AVEN: variants seen among roughly 807,000 people sequenced by gnomAD.
AVEN encodes cell death regulator Aven.
A neutral mutation model predicts 38.1 loss-of-function variants in AVEN; 41 were observed. The observed-to-expected ratio is 1.08, with a 90% CI of 0.84 to 1.40. The LOEUF (loss-of-function observed/expected upper bound fraction) is 1.40. Ranked by LOEUF, AVEN falls within the 40% of genes most tolerant of loss-of-function variation. AVEN has a pLI of 0.00. For missense variants in AVEN, 605 were observed against 438.8 expected (o/e 1.38, Z -3.38); for synonymous variants, 206 against 171.8 (o/e 1.20, Z -1.56).
Position 33,939,264 on chromosome 15 carries a change from C to G in AVEN, c.446-63269G>C, listed in dbSNP as rs2153053260. 3.3e-5 allele frequency among the ~76,000 whole-genome samples: 5 copies of G among 152,310 alleles called. No individual in the cohort carries two copies. The South Asian group carries it at 1.0e-3, about 32-fold the overall frequency. On this transcript the variant is annotated intron_variant, in intron 2 of 5. Coordinates refer to ENST00000306730, the MANE Select transcript of AVEN (RefSeq NM_020371.3). ...TCTATACAAATTGTCACTGAATTTA[C>G]AATGTGTTCAATAGTATTTAAACCA...
chr15:33,866,529 C>T lies in AVEN; in HGVS notation c.*84G>A. ...CACTAGCTTGAGACATGCTTGTAAA[C>T]TGGCTGGTCCTGAAGGACAGCCTTA... On this transcript the variant is annotated 3_prime_UTR_variant, in exon 6 of 6. Transcript: ENST00000306730. The T allele has an allele frequency of 1.0e-6, 1 of 953,168 alleles. No individual in the cohort carries two copies. The highest frequency in any genetic ancestry group is 1.7e-6 in the Non-Finnish European group (1 of 605,914). The allele number at this position is 953,168 out of a possible 1,614,324, so 59.0% of individuals were successfully genotyped here.
At chr15:33,950,562 A>C (rs1436319398) in intron 2 of AVEN, among the ~76,000 whole-genome samples, 4 of 152,212 alleles carry the variant, frequency 2.6e-5, no homozygotes, top group African/African-American at 9.7e-5. Flanking sequence ...GTGGAAGGAA[A>C]CTAAAGCCAA....
intron 4 of AVEN, 136 bp downstream of exon 4, chr15:33,870,799 A>G: frequency 1.8e-6 from 1 of 544,546 alleles, no homozygotes; most frequent in Non-Finnish European, 3.0e-6. Context: ...AAACTTTACA[A>G]AATGCTACCT....
intron 4 of AVEN, chr15:34,064,537 A>T (rs1900460714): frequency 3.4e-6 from 2 of 591,696 alleles, no homozygotes; most frequent in South Asian, 4.5e-5. Context: ...AGGCCATTTG[A>T]TGCCAGGGGA....
intron 2 of AVEN, among the ~76,000 whole-genome samples, chr15:33,926,515 T>G (rs1454187799): frequency 6.6e-6 from 1 of 152,088 alleles, no homozygotes; most frequent in African/African-American, 2.4e-5. Flanking sequence ...TTCTCCTCTT[T>G]AAAATGAAAG....
chr15:34,071,214 C>A (rs1458509130), intron 1 of AVEN, among the ~76,000 whole-genome samples: 3 of 152,268 alleles, frequency 2.0e-5, no homozygotes, highest in East Asian at 3.9e-4. Flanking sequence ...GGCACCCTTA[C>A]CTTCAACAAA....
At chr15:34,041,162 C>G (rs1372859193), upstream of AVEN, among the ~76,000 whole-genome samples, 1 of 151,994 alleles carries the variant, frequency 6.6e-6, no homozygotes, top group Non-Finnish European at 1.5e-5. Flanking sequence ...TAATAGCATC[C>G]CTGGCCTCTA....
At position 33,867,810 on chromosome 15, in the gene AVEN, C is replaced by G; in HGVS notation, c.658G>C (p.Asp220His). The change falls in exon 5 of 6, where the codon GAT becomes CAT. Residue 220 changes from aspartate (D) to histidine (H), a missense_variant. Physicochemically the swap from Asp to His is moderately conservative, Grantham distance 81. Coordinates refer to ENST00000306730, the MANE Select transcript of AVEN (RefSeq NM_020371.3). ...TGCATCCCTAATCCCTTGCCATCAT[C>G]AGTTCTCTTTGGTTTCACCTGAGGA... is the stretch of plus-strand genomic sequence containing the variant. ...EVPQVKPKRT[D>H]DGKGLGMQLK... The G allele has an allele frequency of 6.2e-7, 1 of 1,609,550 alleles. No homozygotes were observed. Among genetic ancestry groups the G allele is most frequent in the Non-Finnish European group, 8.5e-7 (1 of 1,178,634 alleles).
At chr15:34,042,973 C>T (rs1030793811), upstream of AVEN, among the ~76,000 whole-genome samples, 1 of 151,914 alleles carries the variant, frequency 6.6e-6, no homozygotes, top group Non-Finnish European at 1.5e-5. Context: ...ATTGGCCAGG[C>T]GCGGTGGCTC....
intron 2 of AVEN, among the ~76,000 whole-genome samples, chr15:33,941,148 C>G (rs998603660): frequency 6.6e-6 from 1 of 152,188 alleles, no homozygotes; most frequent in Non-Finnish European, 1.5e-5. Flanking sequence ...GTTTCTCAAC[C>G]CATGTGACTG....
At chr15:33,965,323 T>C (rs1201642974) in intron 2 of AVEN, among the ~76,000 whole-genome samples, 1 of 152,172 alleles carries the variant, frequency 6.6e-6, no homozygotes, top group Non-Finnish European at 1.5e-5. Flanking sequence ...CTTCATTTAT[T>C]AACTGAAAAA....
intron 2 of AVEN, among the ~76,000 whole-genome samples, chr15:33,933,536 G>C (rs62014514): frequency 0.052 from 2,839 of 54,512 alleles, 19 homozygotes; most frequent in African/African-American, 0.081. Flanking sequence ...GAGAGAGAGA[G>C]AGAGAGAGAG....
intron 2 of AVEN, among the ~76,000 whole-genome samples, chr15:33,943,607 G>A (rs917075111): frequency 2.6e-5 from 4 of 152,116 alleles, no homozygotes; most frequent in Admixed American, 6.5e-5. Flanking sequence ...AGGCCAAGGC[G>A]GGTGGATCAC....
At chr15:33,876,129 A>C in intron 2 of AVEN, 134 bp from the exon 3 acceptor site, 4 of 702,170 alleles carry the variant, frequency 5.7e-6, no homozygotes, top group Non-Finnish European at 9.5e-6. Flanking sequence ...ATAAAACTGG[A>C]ACATACCTCC....
intron 4 of AVEN, among the ~76,000 whole-genome samples, chr15:33,869,234 C>T (rs549855110): frequency 6.6e-6 from 1 of 152,134 alleles, no homozygotes; most frequent in African/African-American, 2.4e-5. Context: ...TTTTTAACTC[C>T]CCAGGTGATT....
At chr15:34,044,050 C>T (rs1471391274), upstream of AVEN, among the ~76,000 whole-genome samples, 1 of 150,706 alleles carries the variant, frequency 6.6e-6, no homozygotes, top group African/African-American at 2.4e-5. Context: ...ATGAATCATT[C>T]ACATTAGCAT....
At chr15:34,047,414 C>A (rs1003895529) in intron 5 of AVEN, among the ~76,000 whole-genome samples, 13 of 152,242 alleles carry the variant, frequency 8.5e-5, no homozygotes, top group African/African-American at 2.9e-4. Context: ...CGCTGGGATC[C>A]CTGGCAAGGC....
At chr15:33,914,256 A>T (rs1893031870) in intron 2 of AVEN, among the ~76,000 whole-genome samples, 1 of 152,112 alleles carries the variant, frequency 6.6e-6, no homozygotes, top group Non-Finnish European at 1.5e-5. Flanking sequence ...GCAGCTAGGA[A>T]CACACTGAAA....
intron 5 of AVEN, chr15:34,062,755 A>T (rs767530640): frequency 6.2e-7 from 1 of 1,613,574 alleles, no homozygotes; most frequent in Non-Finnish European, 8.5e-7. Context: ...ACCACCGTCA[A>T]TGGCACCCCA....
Sources: gnomAD v4.1 joint callset for allele counts (sites outside exome capture counted in the v4.1 genomes callset) on GRCh38, gnomAD v4.1.1 for gene constraint, MANE v1.5 for transcripts, NCBI Gene and HGNC (gene_info 2026-07-23, HGNC 2026-07-21) for gene names.